Variants in STRN3 observed in about 807,000 individuals in gnomAD.
STRN3 encodes striatin-3.
STRN3 carries 29 observed loss-of-function variants against 95.6 expected under a neutral mutation model. The ratio of observed to expected loss-of-function variants is 0.30; its 90% CI spans 0.23 to 0.41. The LOEUF (loss-of-function observed/expected upper bound fraction) is 0.41. STRN3 is among the 10% of genes least tolerant of loss of function. The pLI, the probability that STRN3 is intolerant of heterozygous loss-of-function variation, is 1.00. For missense variants in STRN3, 890 were observed against 972.1 expected (o/e 0.92, Z 1.12); for synonymous variants, 331 against 357.6 (o/e 0.93, Z 0.84).
chr14:31,000,442 T>C (rs1882393351), intron 1 of STRN3, among the ~76,000 whole-genome samples: 1 of 151,436 alleles, frequency 6.6e-6, no homozygotes, highest in African/African-American at 2.4e-5. Flanking sequence ...TTAAAATGGG[T>C]ATTAATCCTA....
rs76297375 is a variant in STRN3, at chr14:30,958,032, C to T, written c.283-1790G>A. ...TAAATAACTGCTGTCGTCAAAAAAA[C>T]TGTTACCCTAAAAAAAGTTTGTATG... On this transcript the variant is annotated intron_variant, in intron 1 of 17. Coordinates refer to ENST00000357479, the MANE Select transcript of STRN3 (RefSeq NM_001083893.2). Among the ~76,000 whole-genome samples the T allele has an allele frequency of 2.4e-3, 369 of 152,282 alleles. 4 individuals carry two copies. In the East Asian group the frequency reaches 0.046, roughly 19 times the overall value.
chr14:30,974,251 C>A (rs1268331209), intron 1 of STRN3, among the ~76,000 whole-genome samples: 8 of 152,078 alleles, frequency 5.3e-5, no homozygotes, highest in Non-Finnish European at 1.0e-4. Flanking sequence ...AAAATCAACA[C>A]AGAAAAATCA....
intron 1 of STRN3, among the ~76,000 whole-genome samples, chr14:31,017,955 G>A (rs1883319693): frequency 2.0e-5 from 3 of 151,854 alleles, no homozygotes; most frequent in Non-Finnish European, 4.4e-5. Context: ...GTGCATGCCT[G>A]TAATCCCAGC....
At position 30,902,591 on chromosome 14, in the gene STRN3, AG is replaced by A. The variant is rs1477873131; in HGVS notation, c.2081del (p.Pro694LeufsTer4). On this transcript the variant is annotated frameshift_variant, in exon 16 of 18. Coordinates refer to ENST00000357479, the MANE Select transcript of STRN3 (RefSeq NM_001083893.2). LOFTEE classifies it high-confidence loss of function. Reference sequence around the variant, plus strand: ...TATCTTCATGAGCAGTTATTGTAACAGGAAGTGTGGGATGACTTACTACTCT... The same window carrying A: ...TATCTTCATGAGCAGTTATTGTAACAGAAGTGTGGGATGACTTACTACTCT... ...INRVVSHPTL[P>X]VTITAHEDRH... The A allele has an allele frequency of 1.2e-6, 2 of 1,609,468 alleles. No individual in the cohort carries two copies. Among genetic ancestry groups the A allele is most frequent in the East Asian group, 2.2e-5 (1 of 44,548 alleles).
chr14:30,906,937 C>G lies in STRN3; in HGVS notation c.1828G>C (p.Val610Leu). ...TTTTCTTGTGGATTCCATAACCTAA[C>G]AGTGCCATCTGCTGAACAAGACAGT... ...QLLSCSADGT[V>L]RLWNPQEKLP... The change falls in exon 14 of 18, where the codon GTT becomes CTT. Residue 610 changes from valine (V) to leucine (L), a missense_variant. Around this residue, in one of 3 missense-constraint regions of STRN3, gnomAD observed 357 missense variants for 422.8 expected, o/e 0.84. Transcript: ENST00000357479. 1 of 1,613,920 alleles carries G rather than the reference C, an allele frequency of 6.2e-7. No individual in the cohort carries two copies. The highest frequency in any genetic ancestry group is 8.5e-7 in the Non-Finnish European group (1 of 1,179,880).
At chr14:30,918,275 G>C (rs898648500) in intron 9 of STRN3, among the ~76,000 whole-genome samples, 1 of 152,116 alleles carries the variant, frequency 6.6e-6, no homozygotes, top group African/African-American at 2.4e-5. Context: ...TGGGAGCCAA[G>C]GTAGGCAGAT....
chr14:30,917,032 C>CG (rs1896758011), intron 9 of STRN3, among the ~76,000 whole-genome samples: 1 of 152,116 alleles, frequency 6.6e-6, no homozygotes, highest in East Asian at 1.9e-4. Context: ...AGAAAACAGA[C>CG]ATTTGTTCTT....
chr14:30,914,421 C>T (rs988878669), intron 9 of STRN3, among the ~76,000 whole-genome samples: 12 of 152,028 alleles, frequency 7.9e-5, no homozygotes, highest in African/African-American at 2.9e-4. Context: ...GGTGCGATCT[C>T]GGTTCACTGC....
intron 9 of STRN3, among the ~76,000 whole-genome samples, chr14:30,918,759 T>TAAAAAC (rs1049786098): frequency 3.3e-5 from 5 of 152,080 alleles, no homozygotes; most frequent in African/African-American, 1.2e-4. Flanking sequence ...CTCCTCACAT[T>TAAAAAC]AAAAACAAAA....
At chr14:30,973,419 G>A (rs1880936121) in intron 1 of STRN3, among the ~76,000 whole-genome samples, 1 of 151,682 alleles carries the variant, frequency 6.6e-6, no homozygotes, top group East Asian at 1.9e-4. Context: ...GGGAGGAAGA[G>A]GAGAGACTCA....
rs1340534187 is a variant in STRN3 at position 30,929,196 on chromosome 14, C to T, written c.1099+5G>A. 1 of 1,601,954 alleles carries T rather than the reference C, an allele frequency of 6.2e-7. No individual in the cohort carries two copies. The highest frequency in any genetic ancestry group is 8.5e-7 in the Non-Finnish European group (1 of 1,174,646). ...AAAATTATAATAGTCAGAATCTGCA[C>T]TTACTCTTCACCCCTTTCTTCCCCT... On this transcript the variant is annotated splice_donor_5th_base_variant and intron_variant, in intron 8 of 17. Transcript: ENST00000357479.
intron 1 of STRN3, among the ~76,000 whole-genome samples, chr14:30,988,798 TC>T (rs1320329857): frequency 6.6e-6 from 1 of 152,190 alleles, no homozygotes; most frequent in Non-Finnish European, 1.5e-5. Context: ...CATGCAACAT[TC>T]CTCAAAAAAG....
intron 1 of STRN3, among the ~76,000 whole-genome samples, chr14:30,985,673 T>C (rs150394094): frequency 2.0e-5 from 3 of 151,816 alleles, no homozygotes; most frequent in African/African-American, 4.8e-5. Context: ...AAATATACCA[T>C]TAAGAAGAAA....
intron 1 of STRN3, among the ~76,000 whole-genome samples, chr14:30,996,485 G>A (rs192951730): frequency 6.2e-4 from 94 of 152,198 alleles, no homozygotes; most frequent in Non-Finnish European, 3.2e-4. Context: ...ACTGTTTTAC[G>A]ACTCTTTAAT....
intron 9 of STRN3, among the ~76,000 whole-genome samples, chr14:30,916,526 C>T (rs1023311067): frequency 4.6e-5 from 7 of 152,168 alleles, no homozygotes; most frequent in African/African-American, 1.7e-4. Flanking sequence ...CCACCAGTCT[C>T]GGCCTCCCAA....
At chr14:30,968,178 T>A (rs948393696) in intron 1 of STRN3, among the ~76,000 whole-genome samples, 3 of 151,886 alleles carry the variant, frequency 2.0e-5, no homozygotes, top group African/African-American at 7.2e-5. Context: ...CAAAGTTTGC[T>A]AAAAGTTAAC....
intron 13 of STRN3, 56 bp from the exon 14 acceptor site, chr14:30,907,100 T>G: frequency 2.5e-6 from 4 of 1,574,100 alleles, no homozygotes; most frequent in South Asian, 2.4e-5. Flanking sequence ...AAAGAAACTT[T>G]GATACATAAA....
rs147495509 is a variant in STRN3, at chr14:30,905,658, A to C, written c.1889-100T>G. The C allele has an allele frequency of 2.4e-4, 312 of 1,298,162 alleles. 1 individual carries two copies. The African/African-American group carries it at 4.3e-3, about 18-fold the overall frequency. The allele number at this position is 1,298,162 out of a possible 1,614,324, so 80.4% of individuals were successfully genotyped here. A position where few individuals can be genotyped will look rare whatever the true frequency, so the allele number is the denominator to read the frequency against. ...TTTTTCTAATCAGAAAAAGGAATTC[A>C]AATAGTCTTGAAATACTGTTAATAA... On this transcript the variant is annotated intron_variant, in intron 14 of 17. Coordinates refer to ENST00000357479, the MANE Select transcript of STRN3 (RefSeq NM_001083893.2).
At chr14:30,978,225 A>C (rs775777992) in intron 1 of STRN3, among the ~76,000 whole-genome samples, 29 of 152,202 alleles carry the variant, frequency 1.9e-4, no homozygotes, top group Non-Finnish European at 2.6e-4. Context: ...CGACAAACAT[A>C]TCTCTCATGA....
Sources: allele counts gnomAD v4.1 joint callset (sites outside exome capture counted in the v4.1 genomes callset), GRCh38; gene constraint gnomAD v4.1.1; regional missense constraint gnomAD v4.1.1; transcripts MANE v1.5; gene names NCBI Gene and HGNC (gene_info 2026-07-23, HGNC 2026-07-21).